The following OCA2 variants were observed in gnomAD, a reference collection of about 807,000 sequenced individuals.
OCA2 encodes the protein P protein.
OCA2 carries 77 observed loss-of-function variants against 100.2 expected under a neutral mutation model. The ratio of observed to expected loss-of-function variants is 0.77; its 90% CI spans 0.64 to 0.93. The LOEUF (loss-of-function observed/expected upper bound fraction) is 0.93, where lower values mean the gene tolerates loss of function less well. OCA2 is among the 40% of genes least tolerant of loss of function. OCA2 has a pLI of 0.00. For missense variants in OCA2, 1,062 were observed against 1,089.1 expected, an observed-to-expected ratio of 0.98 and a Z score of 0.35; for synonymous variants, 432 against 439.2, an observed-to-expected ratio of 0.98 and a Z score of 0.21.
chr15:27,902,217 TTG>T (rs1329247940), intron 19 of OCA2, among the ~76,000 whole-genome samples: 43 of 77,770 alleles, frequency 5.5e-4, no homozygotes, highest in Admixed American at 1.7e-3. Flanking sequence ...GTTGTTGTTG[TTG>T]TTTTTTTCTA....
chr15:27,744,373 G>C, the OCA2 span, among the ~76,000 whole-genome samples: 1 of 152,228 alleles, frequency 6.6e-6, no homozygotes, highest in South Asian at 2.1e-4. Context: ...GATGGAGAAA[G>C]CAAGAGGCTG....
At chr15:27,821,162 C>T (rs906437575) in intron 23 of OCA2, among the ~76,000 whole-genome samples, 4 of 152,088 alleles carry the variant, frequency 2.6e-5, no homozygotes, top group Admixed American at 6.5e-5. Context: ...CATAACAACA[C>T]GAGAAAAGCA....
chr15:27,849,141 T>A (rs912877436), intron 22 of OCA2, among the ~76,000 whole-genome samples: 1 of 137,324 alleles, frequency 7.3e-6, no homozygotes, highest in Non-Finnish European at 1.5e-5. Context: ...CTGCCTGGGT[T>A]GGTGTGAACA....
chr15:27,789,316 CTT>C (rs1292698223), intron 23 of OCA2, among the ~76,000 whole-genome samples: 2 of 149,698 alleles, frequency 1.3e-5, no homozygotes, highest in Non-Finnish European at 2.9e-5. Flanking sequence ...CTGAGTCTTT[CTT>C]TTGTTTTGTT....
At chr15:27,731,886 A>G in the OCA2 span, among the ~76,000 whole-genome samples, 1 of 152,244 alleles carries the variant, frequency 6.6e-6, no homozygotes, top group Non-Finnish European at 1.5e-5. Context: ...TCATTCATAT[A>G]TTTAAGCCAT....
intron 2 of OCA2, among the ~76,000 whole-genome samples, chr15:28,051,703 G>T (rs2043522754): frequency 6.8e-6 from 1 of 147,114 alleles, no homozygotes; most frequent in South Asian, 2.2e-4. Flanking sequence ...GCGCACTGCA[G>T]CTTCCAACTC....
chr15:28,088,752 C>A (rs1302808513), intron 1 of OCA2, among the ~76,000 whole-genome samples: 2 of 152,092 alleles, frequency 1.3e-5, no homozygotes, highest in African/African-American at 4.8e-5. Flanking sequence ...ACATGCTTCA[C>A]AAGGTAATAA....
intron 2 of OCA2, among the ~76,000 whole-genome samples, chr15:28,077,565 C>CG (rs904681955): frequency 6.6e-6 from 1 of 152,100 alleles, no homozygotes; most frequent in Non-Finnish European, 1.5e-5. Context: ...ACAGAGCAGG[C>CG]GCAGGGTCCC....
intron 23 of OCA2, among the ~76,000 whole-genome samples, chr15:27,783,406 A>G (rs2032645624): frequency 6.6e-6 from 1 of 152,242 alleles, no homozygotes; most frequent in African/African-American, 2.4e-5. Flanking sequence ...GAAGCTCGCA[A>G]GAGTATCACT....
intron 23 of OCA2, among the ~76,000 whole-genome samples, chr15:27,760,698 C>T (rs1357478481): frequency 1.3e-5 from 2 of 151,926 alleles, no homozygotes; most frequent in South Asian, 4.1e-4. Context: ...GTACTATTAA[C>T]AATTGTATAC....
intron 19 of OCA2, among the ~76,000 whole-genome samples, chr15:27,924,497 G>A (rs2038976984): frequency 6.6e-6 from 1 of 151,940 alleles, no homozygotes; most frequent in African/African-American, 2.4e-5. Flanking sequence ...TAACGTAGAA[G>A]TACAACATAC....
chr15:28,067,912 TCTAA>T (rs2044074870), intron 2 of OCA2, among the ~76,000 whole-genome samples: 1 of 152,206 alleles, frequency 6.6e-6, no homozygotes, highest in Non-Finnish European at 1.5e-5. Context: ...TGGTGATCTA[TCTAA>T]CACTGTCAAT....
the OCA2 span, among the ~76,000 whole-genome samples, chr15:27,727,898 G>A: frequency 1.3e-5 from 2 of 152,186 alleles, no homozygotes; most frequent in African/African-American, 4.8e-5. Context: ...CATCTGCAAA[G>A]TCTCCTTTGC....
At chr15:28,040,299 C>A (rs1053474287) in intron 2 of OCA2, among the ~76,000 whole-genome samples, 4 of 152,098 alleles carry the variant, frequency 2.6e-5, no homozygotes, top group Non-Finnish European at 5.9e-5. Flanking sequence ...TAATATAATA[C>A]CTTGAGACAA....
chr15:27,966,786 T>C lies in OCA2; in HGVS notation c.1540A>G (p.Ile514Val), dbSNP rs1220736811. The C allele has an allele frequency of 6.2e-7, 1 of 1,612,836 alleles. No homozygotes were observed. Among genetic ancestry groups the C allele is most frequent in the African/African-American group, 1.3e-5 (1 of 74,828 alleles). ...ACCAGGAGAACAAGGCAAATCCCAA[T>C]GAACATGTGTGCAGTGAATCCGGCA... The part of the protein sequence containing the change: ...DFAGFTAHMF[I>V]GICLVLLVCF... The change falls in exon 15 of 24, where the codon ATT becomes GTT. Residue 514 changes from isoleucine (I) to valine (V), a missense_variant. By Grantham distance (29) the Ile-to-Val change is conservative. Transcript: ENST00000354638.
intron 9 of OCA2, among the ~76,000 whole-genome samples, chr15:27,996,953 G>A (rs1159702540): frequency 3.3e-5 from 5 of 150,624 alleles, no homozygotes; most frequent in African/African-American, 1.2e-4. Flanking sequence ...TAAAGCTGGT[G>A]TTACCCTTCA....
At chr15:27,828,823 C>T (rs1358286891) in intron 23 of OCA2, among the ~76,000 whole-genome samples, 1 of 152,142 alleles carries the variant, frequency 6.6e-6, no homozygotes, top group Non-Finnish European at 1.5e-5. Flanking sequence ...TGGGGTTGCA[C>T]GCTTCAGGAA....
At chr15:27,906,630 A>G (rs1017884136) in intron 19 of OCA2, among the ~76,000 whole-genome samples, 2 of 152,214 alleles carry the variant, frequency 1.3e-5, no homozygotes, top group Non-Finnish European at 2.9e-5. Flanking sequence ...AAGGAAGAAG[A>G]TAAAAATCAT....
chr15:27,854,907 T>C (rs1383077462), intron 21 of OCA2, among the ~76,000 whole-genome samples: 3 of 152,078 alleles, frequency 2.0e-5, no homozygotes, highest in Non-Finnish European at 4.4e-5. Flanking sequence ...GGCATTGCAG[T>C]ATCAAGGGAG....
Sources: gnomAD v4.1 joint callset for allele counts (sites outside exome capture counted in the v4.1 genomes callset) on GRCh38, gnomAD v4.1.1 for gene constraint, MANE v1.5 for transcripts, NCBI Gene and HGNC (gene_info 2026-07-23, HGNC 2026-07-21) for gene names.